The following TNKS variants were observed in gnomAD, a reference collection of about 807,000 sequenced individuals.
TNKS encodes poly [ADP-ribose] polymerase tankyrase-1.
A neutral mutation model predicts 135.8 loss-of-function variants in TNKS; 72 were observed. That is an observed-to-expected ratio of 0.53 (90% CI 0.44 to 0.64). The LOEUF is 0.64. Among genes scored for constraint, TNKS ranks in the 30% least tolerant of loss-of-function variants. The pLI is 0.00. For synonymous variants in TNKS, 849 were observed against 649.3 expected (o/e 1.31, Z -4.68); for missense variants, 1,769 against 1,674.0 (o/e 1.06, Z -0.99).
chr8:9,620,342 C>A (rs1332094513), intron 3 of TNKS, among the ~76,000 whole-genome samples: 1 of 152,162 alleles, frequency 6.6e-6, no homozygotes, highest in Non-Finnish European at 1.5e-5. Context: ...TTCTTACCAT[C>A]CTCACTGCTT....
Position 9,763,047 on chromosome 8 carries a change from C to CAATT in TNKS, c.3275-98_3275-95dup, listed in dbSNP as rs1162851183. The CAATT allele has an allele frequency of 1.3e-5, 7 of 522,648 alleles. No homozygotes were observed. In the African/African-American group the frequency reaches 1.4e-4, roughly 10 times the overall value. 32.4% of individuals were successfully genotyped at this position (522,648 alleles called of 1,614,324 possible). On this transcript the variant is annotated intron_variant, in intron 21 of 26. Coordinates refer to ENST00000310430, the MANE Select transcript of TNKS (RefSeq NM_003747.3). ...ATAGTTTAGGTTTGTTCCAAAACCTCAATTACTTATTATGAATTTTTTTTT... is the reference window on the plus strand; with the variant it reads ...ATAGTTTAGGTTTGTTCCAAAACCTCAATTAATTACTTATTATGAATTTTTTTTT...
intron 3 of TNKS, among the ~76,000 whole-genome samples, chr8:9,662,201 T>C (rs1269625932): frequency 2.0e-5 from 3 of 152,146 alleles, no homozygotes; most frequent in Non-Finnish European, 4.4e-5. Context: ...TCCTCAGGGA[T>C]CTAGAACTAG....
chr8:9,778,948 G>C lies in TNKS; in HGVS notation c.*2212G>C, dbSNP rs558828825. ...ACTAACTAGATGAATGGATGCGCCA[G>C]TTTTCATCTTGGTCCTTACACTTGA... On this transcript the variant is annotated 3_prime_UTR_variant, in exon 27 of 27. Transcript: ENST00000310430. 1 of 152,332 alleles carries C rather than the reference G, an allele frequency of 6.6e-6. No individual in the cohort carries two copies. The highest frequency in any genetic ancestry group is 2.4e-5 in the African/African-American group (1 of 41,590). The allele number at this position is 152,332 out of a possible 1,614,324, so 9.4% of individuals were successfully genotyped here. A position where few individuals can be genotyped will look rare whatever the true frequency, so the allele number is the denominator to read the frequency against.
intron 3 of TNKS, among the ~76,000 whole-genome samples, chr8:9,645,209 G>T (rs1241288530): frequency 2.0e-5 from 3 of 152,030 alleles, no homozygotes; most frequent in Non-Finnish European, 4.4e-5. Context: ...GGACAAGGGT[G>T]GGGGATGGGT....
At chr8:9,680,593 A>G in intron 4 of TNKS, 132 bp from the exon 5 acceptor site, 1 of 599,530 alleles carries the variant, frequency 1.7e-6, no homozygotes, top group East Asian at 2.7e-5. Flanking sequence ...ATATTGCAAA[A>G]GAGATTTATT....
intron 18 of TNKS, among the ~76,000 whole-genome samples, chr8:9,748,684 C>T (rs1243641137): frequency 6.6e-6 from 1 of 152,226 alleles, no homozygotes; most frequent in Non-Finnish European, 1.5e-5. Flanking sequence ...TGTATAGTCA[C>T]AGTAATTTCT....
In TNKS at chr8:9,630,377, G is replaced by C. The variant is rs553183692; in HGVS notation, c.994+14700G>C. ...AAAATGTACAAGAAATATTAGGGAG[G>C]CAAGCTGGAATTGACAATGAGAAGA... On this transcript the variant is annotated intron_variant, in intron 3 of 26. Transcript: ENST00000310430. Among the ~76,000 whole-genome samples the C allele has an allele frequency of 7.9e-5, 12 of 152,248 alleles. No homozygotes were observed. In the East Asian group the frequency reaches 2.1e-3, roughly 27 times the overall value.
At chr8:9,660,127 G>C (rs1343992615) in intron 3 of TNKS, among the ~76,000 whole-genome samples, 4 of 152,190 alleles carry the variant, frequency 2.6e-5, no homozygotes, top group Non-Finnish European at 4.4e-5. Context: ...TCCAGGACCA[G>C]ATGGATTCAC....
chr8:9,631,592 A>G (rs1800290783), intron 3 of TNKS, among the ~76,000 whole-genome samples: 1 of 152,200 alleles, frequency 6.6e-6, no homozygotes, highest in Admixed American at 6.5e-5. Context: ...TCTGCTTTAG[A>G]ATATAGGGAG....
chr8:9,636,749 T>C (rs574521684), intron 3 of TNKS, among the ~76,000 whole-genome samples: 27 of 152,316 alleles, frequency 1.8e-4, no homozygotes, highest in African/African-American at 6.5e-4. Flanking sequence ...CAAGAGTGCT[T>C]TCACTTCACT....
chr8:9,660,082 G>C (rs1801622066), intron 3 of TNKS, among the ~76,000 whole-genome samples: 1 of 152,164 alleles, frequency 6.6e-6, no homozygotes, highest in South Asian at 2.1e-4. Flanking sequence ...CTCTGAAATT[G>C]AGGCAATAAT....
rs1160931679 is a variant in TNKS at position 9,777,956 on chromosome 8, A to T, written c.*1220A>T. On this transcript the variant is annotated 3_prime_UTR_variant, in exon 27 of 27. Transcript: ENST00000310430. ...GGCATGCTTCAAATAGTTCATAAAG[A>T]TCCTTGCATTAAATTTCTGAACCAT... 6.6e-6 allele frequency: 1 copy of T among 152,602 alleles called. No homozygotes were observed. The highest frequency in any genetic ancestry group is 1.5e-5 in the Non-Finnish European group (1 of 68,032). The allele number at this position is 152,602 out of a possible 1,614,324, so 9.5% of individuals were successfully genotyped here.
At chr8:9,626,130 A>T (rs1427692750) in intron 3 of TNKS, among the ~76,000 whole-genome samples, 1 of 152,044 alleles carries the variant, frequency 6.6e-6, no homozygotes, top group Non-Finnish European at 1.5e-5. Flanking sequence ...TATAAATGTG[A>T]TTGACCCTTT....
intron 26 of TNKS, 41 bp downstream of exon 26, chr8:9,770,303 A>T (rs769218707): frequency 1.9e-6 from 3 of 1,578,582 alleles, no homozygotes; most frequent in East Asian, 2.3e-5. Flanking sequence ...GTTCACAAAC[A>T]TGTCAATAGA....
At chr8:9,702,279 C>T (rs1418655973) in intron 5 of TNKS, among the ~76,000 whole-genome samples, 1 of 152,106 alleles carries the variant, frequency 6.6e-6, no homozygotes, top group South Asian at 2.1e-4. Flanking sequence ...GCACTGCAAG[C>T]TCCAATTGTG....
intron 1 of TNKS, among the ~76,000 whole-genome samples, chr8:9,565,871 T>TAAATAA (rs1182595249): frequency 6.6e-6 from 1 of 151,804 alleles, no homozygotes; most frequent in Non-Finnish European, 1.5e-5. Context: ...AAAATAAAAA[T>TAAATAA]AAATAAAAAT....
rs1182865148 is a variant in TNKS, at chr8:9,661,606, T to C, written c.995-18345T>C. 2.4e-4 allele frequency among the ~76,000 whole-genome samples: 37 copies of C among 152,248 alleles called. 1 individual carries two copies. The highest frequency in any genetic ancestry group is 7.7e-4 in the African/African-American group (32 of 41,532). On this transcript the variant is annotated intron_variant, in intron 3 of 26. Transcript: ENST00000310430. ...ATTCAAGATGGATTAAAGACTTAAA[T>C]GTTAGACCTAAAACCATAAAAACCC...
intron 1 of TNKS, among the ~76,000 whole-genome samples, chr8:9,570,753 G>A (rs1797726218): frequency 6.6e-6 from 1 of 152,154 alleles, no homozygotes; most frequent in Non-Finnish European, 1.5e-5. Flanking sequence ...ACACATTGAG[G>A]TGCATCTGCC....
chr8:9,598,763 GTGTATATATATATATATATATATA>G (rs1798896713), intron 2 of TNKS, among the ~76,000 whole-genome samples: 1 of 58,724 alleles, frequency 1.7e-5, no homozygotes, highest in African/African-American at 5.9e-5. Context: ...ATATGTGTGT[GTGTATATATATATATATATATATA>G]TATATATATA....
Sources: gnomAD v4.1 joint callset for allele counts (sites outside exome capture counted in the v4.1 genomes callset) on GRCh38, gnomAD v4.1.1 for gene constraint, MANE v1.5 for transcripts, NCBI Gene and HGNC (gene_info 2026-07-23, HGNC 2026-07-21) for gene names.